Variants in RELN observed in about 807,000 individuals in gnomAD.
RELN encodes reelin.
A neutral mutation model predicts 427.6 loss-of-function variants in RELN; 108 were observed. The ratio of observed to expected loss-of-function variants is 0.25; its 90% CI spans 0.22 to 0.30. RELN has a LOEUF of 0.30. RELN is among the 10% of genes least tolerant of loss of function. The pLI, the probability that RELN is intolerant of heterozygous loss-of-function variation, is 1.00. For synonymous variants in RELN, 1,524 were observed against 1,513.4 expected (o/e 1.01, Z -0.16); for missense variants, 3,715 against 4,302.8 (o/e 0.86, Z 3.82).
chr7:103,712,537 G>T (rs554718675), intron 8 of RELN, among the ~76,000 whole-genome samples: 1 of 152,312 alleles, frequency 6.6e-6, no homozygotes, highest in African/African-American at 2.4e-5. Flanking sequence ...GTAATATGGT[G>T]CATATGCCAT....
chr7:103,983,595 A>T (rs1413628595), intron 1 of RELN, among the ~76,000 whole-genome samples: 5 of 152,242 alleles, frequency 3.3e-5, no homozygotes, highest in African/African-American at 1.2e-4. Context: ...CTGAAATGCT[A>T]TAGAGTTCAG....
At chr7:103,802,317 A>G (rs1563022179) in intron 3 of RELN, among the ~76,000 whole-genome samples, 1 of 152,214 alleles carries the variant, frequency 6.6e-6, no homozygotes. Context: ...TTAAGACATG[A>G]CTAAATAAAT....
chr7:103,818,407 G>T (rs990698017), intron 3 of RELN, among the ~76,000 whole-genome samples: 1 of 152,114 alleles, frequency 6.6e-6, no homozygotes, highest in African/African-American at 2.4e-5. Flanking sequence ...AATAGTGACA[G>T]GAACCTGGCA....
At chr7:103,703,116 A>T (rs1207538896) in intron 8 of RELN, among the ~76,000 whole-genome samples, 1 of 152,094 alleles carries the variant, frequency 6.6e-6, no homozygotes, top group East Asian at 1.9e-4. Flanking sequence ...GTCAGTGGAG[A>T]GGCACTGCCC....
intron 2 of RELN, among the ~76,000 whole-genome samples, chr7:103,854,080 T>C (rs560240403): frequency 6.6e-6 from 1 of 152,314 alleles, no homozygotes; most frequent in African/African-American, 2.4e-5. Flanking sequence ...TGTCACTCTG[T>C]ATCTCACAAA....
chr7:103,989,391 C>G lies in RELN; in HGVS notation c.-35G>C, dbSNP rs746380201. 175 of 1,178,150 alleles carry G rather than the reference C, an allele frequency of 1.5e-4. No individual in the cohort carries two copies. The highest frequency in any genetic ancestry group is 1.8e-4 in the Non-Finnish European group (163 of 895,330). The allele number at this position is 1,178,150 out of a possible 1,614,324, so 73.0% of individuals were successfully genotyped here. A position where few individuals can be genotyped will look rare whatever the true frequency, so the allele number is the denominator to read the frequency against. On this transcript the variant is annotated 5_prime_UTR_variant, in exon 1 of 65. Coordinates refer to ENST00000428762, the MANE Select transcript of RELN (RefSeq NM_005045.4). The surrounding 1 kb of genome is among the most constrained non-coding windows in gnomAD (Gnocchi z 4.9). Reference sequence around the variant, plus strand: ...GCCGCCGCCGCCGCCGCGCGCCCTACGCGCCGCTCGCTCATTCAGTTTTGG... The same window carrying G: ...GCCGCCGCCGCCGCCGCGCGCCCTAGGCGCCGCTCGCTCATTCAGTTTTGG...
intron 8 of RELN, among the ~76,000 whole-genome samples, chr7:103,722,402 T>C (rs142295007): frequency 0.011 from 1,658 of 152,234 alleles, 24 homozygotes; most frequent in African/African-American, 0.036. Flanking sequence ...TCTCATGCCA[T>C]AGGAAATGGT....
intron 1 of RELN, among the ~76,000 whole-genome samples, chr7:103,938,050 GTGGC>G (rs1796025275): frequency 6.6e-6 from 1 of 152,158 alleles, no homozygotes; most frequent in African/African-American, 2.4e-5. Context: ...GCCGGGCGTG[GTGGC>G]TCATGCCTGT....
intron 3 of RELN, among the ~76,000 whole-genome samples, chr7:103,798,294 G>C (rs1006623264): frequency 4.6e-5 from 7 of 152,100 alleles, no homozygotes; most frequent in African/African-American, 7.2e-5. Flanking sequence ...TCAAATCTAG[G>C]TTCAAATCTT....
At chr7:103,987,939 G>C (rs1797137511) in intron 1 of RELN, among the ~76,000 whole-genome samples, 3 of 152,098 alleles carry the variant, frequency 2.0e-5, no homozygotes, top group African/African-American at 7.2e-5. Flanking sequence ...TTTTATAATA[G>C]ATATCAAGGT....
At chr7:103,635,126 T>G (rs956127861) in intron 19 of RELN, among the ~76,000 whole-genome samples, 25 of 152,174 alleles carry the variant, frequency 1.6e-4, no homozygotes, top group Admixed American at 1.3e-3. Context: ...CCCAAACTGC[T>G]GGGATTACAG....
rs557573468 is a variant in RELN at position 103,895,180 on chromosome 7, G to A, written c.337+21895C>T. ...ACAGTGTTTCTTTCCAATTATCGCA[G>A]AACTCAGTGATTATTTAAACTTGGC... On this transcript the variant is annotated intron_variant, in intron 2 of 64. Coordinates refer to ENST00000428762, the MANE Select transcript of RELN (RefSeq NM_005045.4). Among the ~76,000 whole-genome samples, 9 of 152,162 alleles carry A rather than the reference G, an allele frequency of 5.9e-5. No homozygotes were observed. In the South Asian group the frequency reaches 1.9e-3, roughly 32 times the overall value.
intron 1 of RELN, among the ~76,000 whole-genome samples, chr7:103,947,789 T>C (rs1398504530): frequency 2.6e-5 from 4 of 152,244 alleles, no homozygotes; most frequent in East Asian, 1.9e-4. Flanking sequence ...CTCTAGTGCA[T>C]ATGTAAATGA....
At chr7:103,935,491 C>G (rs1795961803) in intron 1 of RELN, among the ~76,000 whole-genome samples, 1 of 152,024 alleles carries the variant, frequency 6.6e-6, no homozygotes. Context: ...CCTCCCCAAC[C>G]CTAAAGGCCA....
chr7:103,866,776 G>A (rs1046643256), intron 2 of RELN, among the ~76,000 whole-genome samples: 5 of 151,926 alleles, frequency 3.3e-5, no homozygotes, highest in Middle Eastern at 3.2e-3. Flanking sequence ...ATGAAATAAC[G>A]AATAATATAT....
At chr7:103,830,386 A>G (rs1793247178) in intron 3 of RELN, among the ~76,000 whole-genome samples, 1 of 151,980 alleles carries the variant, frequency 6.6e-6, no homozygotes, top group Non-Finnish European at 1.5e-5. Context: ...AGAATATACT[A>G]CAAAATCATA....
rs10251770 is a variant in RELN at position 103,479,760 on chromosome 7, C to G, written c.10281-1366G>C. 5.3e-3 allele frequency among the ~76,000 whole-genome samples: 799 copies of G among 152,122 alleles called. 10 individuals carry two copies. Among genetic ancestry groups the G allele is most frequent in the African/African-American group, 0.018 (761 of 41,516 alleles). ...TTCATTTAGGATACACTTTTAAACC[C>G]TGAAATATTGTTGAAAGTGCTAAGT... On this transcript the variant is annotated intron_variant, in intron 63 of 64. Coordinates refer to ENST00000428762, the MANE Select transcript of RELN (RefSeq NM_005045.4).
chr7:103,737,468 T>C (rs491921), intron 6 of RELN, among the ~76,000 whole-genome samples: 33,306 of 152,242 alleles, frequency 0.22, 4,811 homozygotes, highest in African/African-American at 0.41. Context: ...TTATTATTTA[T>C]GGCATGGGGG....
intron 42 of RELN, 90 bp from the exon 43 acceptor site, chr7:103,542,968 G>T (rs200266794): frequency 1.5e-6 from 2 of 1,329,920 alleles, no homozygotes; most frequent in Non-Finnish European, 1.1e-6. Context: ...AATGCATTAT[G>T]TAGTTTCAAA....
Sources: allele counts gnomAD v4.1 joint callset (sites outside exome capture counted in the v4.1 genomes callset), GRCh38; gene constraint gnomAD v4.1.1; non-coding constraint Gnocchi (gnomAD v3.1); transcripts MANE v1.5; gene names NCBI Gene and HGNC (gene_info 2026-07-23, HGNC 2026-07-21).